ZNF658: variants seen among roughly 807,000 people sequenced by gnomAD.
The protein encoded by ZNF658 is zinc finger protein 658.
Under a neutral mutation model 78.0 loss-of-function variants are expected in ZNF658, and 46 were observed. That is an observed-to-expected ratio of 0.59 (90% CI 0.47 to 0.75). The LOEUF (loss-of-function observed/expected upper bound fraction) is 0.75, where lower values mean the gene tolerates loss of function less well. Ranked by LOEUF, ZNF658 falls within the 30% of genes least tolerant of loss-of-function variation. The pLI is 0.00. For missense variants in ZNF658, 785 were observed against 1,189.3 expected (o/e 0.66, Z 5.00); for synonymous variants, 279 against 408.4 (o/e 0.68, Z 3.82).
chr9:66,907,635 A>T (rs946521208), intron 2 of ZNF658, among the ~76,000 whole-genome samples: 68 of 152,154 alleles, frequency 4.5e-4, no homozygotes, highest in Non-Finnish European at 6.9e-4. Context: ...TAAAAACAAA[A>T]TTTTTTTAAA....
chr9:66,913,284 G>A (rs535608890), intron 4 of ZNF658, among the ~76,000 whole-genome samples: 7 of 151,782 alleles, frequency 4.6e-5, no homozygotes, highest in South Asian at 4.2e-4. Context: ...AATTAGCCAG[G>A]CGTGGTGGCA....
Position 66,917,893 on chromosome 9 carries a change from A to G in ZNF658, c.327A>G (p.Lys109=). ...AAATATTCATCAGTGATGCTGACAA[A>G]ACATTGAGTAAAGAAGGACAGAAAG... ...WQEIFISDAD[K]TLSKEGQKVL... is the part of the protein sequence containing the mutation. The change falls in exon 5 of 5, where the codon AAA becomes AAG. Residue 109 remains lysine, a synonymous_variant. Coordinates refer to ENST00000621410, the MANE Select transcript of ZNF658 (RefSeq NM_033160.7). 1.2e-6 allele frequency: 2 copies of G among 1,607,982 alleles called. No homozygotes were observed. Among genetic ancestry groups the G allele is most frequent in the Non-Finnish European group, 1.7e-6 (2 of 1,178,964 alleles).
At chr9:66,921,991 G>A (rs534589541), downstream of ZNF658, among the ~76,000 whole-genome samples, 2 of 100,492 alleles carry the variant, frequency 2.0e-5, no homozygotes, top group East Asian at 4.9e-4. Context: ...ATCTGTGGTG[G>A]GCTCCACCCA....
At chr9:66,910,251 T>TGTACGA (rs1822183268) in intron 4 of ZNF658, among the ~76,000 whole-genome samples, 1 of 152,214 alleles carries the variant, frequency 6.6e-6, no homozygotes, top group African/African-American at 2.4e-5. Flanking sequence ...TATTAGGCTT[T>TGTACGA]GTACGAATAA....
At chr9:66,929,752 C>T (rs2039395) in intron 6 of ZNF658, among the ~76,000 whole-genome samples, 1 of 65,148 alleles carries the variant, frequency 1.5e-5, no homozygotes, top group East Asian at 5.0e-4. Flanking sequence ...CAGATATTAA[C>T]AGTTTAGAGT....
Position 66,920,412 on chromosome 9 carries a change from A to T in ZNF658, c.2846A>T (p.His949Leu). ...ECNVCGKPFA[H>L]NSTLRVHQRI... ...AATGTATGTGGGAAGCCATTTGCCC[A>T]TAATTCAACCCTCAGAGTACATCAA... Residue 949 changes from histidine to leucine, a missense_variant, in exon 5 of 5, where the codon CAT becomes CTT. Physicochemically the swap from His to Leu is moderately conservative, Grantham distance 99. Around this residue, in one of 12 missense-constraint regions of ZNF658, gnomAD observed 85 missense variants for 108.6 expected, o/e 0.78. Coordinates refer to ENST00000621410, the MANE Select transcript of ZNF658 (RefSeq NM_033160.7). 3 of 1,611,596 alleles carry T rather than the reference A, an allele frequency of 1.9e-6. No individual in the cohort carries two copies. The highest frequency in any genetic ancestry group is 2.5e-6 in the Non-Finnish European group (3 of 1,179,646).
intron 4 of ZNF658, among the ~76,000 whole-genome samples, chr9:66,910,609 C>A (rs940691561): frequency 2.6e-5 from 4 of 151,962 alleles, no homozygotes; most frequent in African/African-American, 4.8e-5. Context: ...GAGATGGAGA[C>A]CATCCTGGCT....
intron 6 of ZNF658, among the ~76,000 whole-genome samples, chr9:66,931,038 G>A (rs1304896385): frequency 1.3e-5 from 2 of 152,094 alleles, no homozygotes; most frequent in South Asian, 2.1e-4. Context: ...AAGCACATGA[G>A]AAATGATTAT....
intron 3 of ZNF658, 126 bp downstream of exon 3, chr9:66,908,490 T>G: frequency 6.7e-7 from 1 of 1,501,216 alleles, no homozygotes; most frequent in South Asian, 1.3e-5. Context: ...AGTTGAAACC[T>G]TTACAGAAAC....
At chr9:66,927,331 G>A (rs1477088605) in intron 6 of ZNF658, among the ~76,000 whole-genome samples, 1 of 151,288 alleles carries the variant, frequency 6.6e-6, no homozygotes, top group Non-Finnish European at 1.5e-5. Flanking sequence ...CTGTCAGGAT[G>A]ATGATTATTT....
At chr9:66,907,634 A>C (rs1270037504) in intron 2 of ZNF658, among the ~76,000 whole-genome samples, 39 of 151,892 alleles carry the variant, frequency 2.6e-4, no homozygotes, top group Admixed American at 1.1e-3. Flanking sequence ...TTAAAAACAA[A>C]ATTTTTTTAA....
rs549074408 is a variant in ZNF658 at position 66,902,034 on chromosome 9, A to G, written c.-45+1198A>G. On this transcript the variant is annotated intron_variant, in intron 1 of 4. Coordinates refer to ENST00000621410, the MANE Select transcript of ZNF658 (RefSeq NM_033160.7). ...TTTACTGCTTTATTTTACTTAACTC[A>G]TTCCTTCCTAAATATTCGACTTGTA... Among the ~76,000 whole-genome samples, 8 of 152,328 alleles carry G rather than the reference A, an allele frequency of 5.3e-5. No individual in the cohort carries two copies. The East Asian group carries it at 1.4e-3, about 26-fold the overall frequency.
chr9:66,927,532 C>T (rs1308157613), intron 6 of ZNF658, among the ~76,000 whole-genome samples: 1 of 148,578 alleles, frequency 6.7e-6, no homozygotes, highest in African/African-American at 2.5e-5. Flanking sequence ...AAATCAGGAT[C>T]TTGAAGTAAT....
downstream of ZNF658, among the ~76,000 whole-genome samples, chr9:66,923,719 T>C (rs1822558577): frequency 1.3e-5 from 2 of 151,408 alleles, no homozygotes; most frequent in Non-Finnish European, 1.5e-5. Flanking sequence ...AAATGTTTTT[T>C]ATCAGACTTA....
intron 4 of ZNF658, among the ~76,000 whole-genome samples, chr9:66,912,873 C>G (rs562788049): frequency 6.6e-6 from 1 of 150,648 alleles, no homozygotes; most frequent in East Asian, 2.0e-4. Flanking sequence ...TGGCAAAACC[C>G]TGTCTCTACT....
In ZNF658 at chr9:66,919,485, C is replaced by T. The variant is rs1477996276; in HGVS notation, c.1919C>T (p.Ala640Val). The T allele has an allele frequency of 6.2e-6, 10 of 1,601,908 alleles. No homozygotes were observed. The Admixed American group carries it at 1.2e-4, about 19-fold the overall frequency. Reference protein sequence around the residue: ...YECNECGRSFAHISVLKAHQR... With the variant: ...YECNECGRSFVHISVLKAHQR... ...TGTAATGAATGTGGAAGGTCTTTTG[C>T]CCATATTTCTGTTCTCAAGGCACAT... is the stretch of plus-strand genomic sequence containing the variant. Residue 640 changes from alanine (A) to valine (V), a missense_variant, in exon 5 of 5, where the codon GCC becomes GTC. Ala to Val is a moderately conservative substitution (Grantham distance 64, BLOSUM62 0). Around this residue, in one of 12 missense-constraint regions of ZNF658, gnomAD observed 75 missense variants for 147.1 expected, o/e 0.51. Coordinates refer to ENST00000621410, the MANE Select transcript of ZNF658 (RefSeq NM_033160.7).
In ZNF658 at chr9:66,918,156, C is replaced by T. The variant is rs1209696591; in HGVS notation, c.590C>T (p.Ala197Val). ...TATGAACATGGTGAAAATGCTAAAG[C>T]TTTCAGTTATAAGAAAGATCAGCAT... ...KSYEHGENAKAFSYKKDQHWK... is the reference protein window; with the variant it reads ...KSYEHGENAKVFSYKKDQHWK... The change falls in exon 5 of 5, where the codon GCT (alanine) becomes GTT (valine). Residue 197 changes from alanine to valine, a missense_variant. Physicochemically the swap from Ala to Val is moderately conservative, Grantham distance 64. This residue lies in a region of ZNF658 where 393 missense variants were observed against 400.2 expected (regional missense o/e 0.98). Coordinates refer to ENST00000621410, the MANE Select transcript of ZNF658 (RefSeq NM_033160.7). The T allele has an allele frequency of 2.5e-6, 4 of 1,602,146 alleles. No individual in the cohort carries two copies. The highest frequency in any genetic ancestry group is 1.4e-5 in the African/African-American group (1 of 74,048).
At position 66,916,203 on chromosome 9, in the gene ZNF658, C is replaced by T. The variant is rs554558822; in HGVS notation, c.239-1602C>T. ...GCGTCTGGCCAAAAAAATTTAAGCCCCAAATTTATCTCTGTGTACTGCCTT... is the reference window on the plus strand; with the variant it reads ...GCGTCTGGCCAAAAAAATTTAAGCCTCAAATTTATCTCTGTGTACTGCCTT... On this transcript the variant is annotated intron_variant, in intron 4 of 4. Coordinates refer to ENST00000621410, the MANE Select transcript of ZNF658 (RefSeq NM_033160.7). Among the ~76,000 whole-genome samples the T allele has an allele frequency of 1.6e-4, 24 of 152,234 alleles. No individual in the cohort carries two copies. The East Asian group carries it at 4.4e-3, about 28-fold the overall frequency.
rs118098211 is a variant in ZNF658, at chr9:66,921,038, C to T, written c.*292C>T. The T allele has an allele frequency of 0.012, 5,272 of 446,442 alleles. 70 individuals are homozygous for T. The East Asian group carries it at 0.16, about 13-fold the overall frequency. The allele number at this position is 446,442 out of a possible 1,614,324, so 27.7% of individuals were successfully genotyped here. ...AACTTGGGTCCTGTGTGTTCAAAAC[C>T]ATAGAGCACAAGGTCAAGGAAGCTA... On this transcript the variant is annotated 3_prime_UTR_variant, in exon 5 of 5. Coordinates refer to ENST00000621410, the MANE Select transcript of ZNF658 (RefSeq NM_033160.7).
Sources: allele counts gnomAD v4.1 joint callset (sites outside exome capture counted in the v4.1 genomes callset), GRCh38; gene constraint gnomAD v4.1.1; regional missense constraint gnomAD v4.1.1; transcripts MANE v1.5; gene names NCBI Gene and HGNC (gene_info 2026-07-23, HGNC 2026-07-21).